Variants in DLG2 observed in about 807,000 individuals in gnomAD.
DLG2 encodes disks large homolog 2.
In DLG2, 45 loss-of-function variants were observed where a neutral mutation model predicts 132.5. That is an observed-to-expected ratio of 0.34 (90% confidence interval 0.27 to 0.44). DLG2 has a LOEUF of 0.44. Among genes scored for constraint, DLG2 ranks in the 20% least tolerant of loss-of-function variants. The pLI is 1.00. For synonymous variants in DLG2, 424 were observed against 419.6 expected (o/e 1.01, Z -0.13); for missense variants, 1,045 against 1,196.9 (o/e 0.87, Z 1.87).
intron 9 of DLG2, among the ~76,000 whole-genome samples, chr11:84,106,892 A>G (rs1401892099): frequency 1.4e-5 from 2 of 139,010 alleles, no homozygotes; most frequent in Non-Finnish European, 3.1e-5. Context: ...AGAGAGTTTT[A>G]GCTTTAGGGG....
chr11:84,576,654 T>A (rs758571121), intron 6 of DLG2, among the ~76,000 whole-genome samples: 1 of 152,158 alleles, frequency 6.6e-6, no homozygotes, highest in Non-Finnish European at 1.5e-5. Context: ...AGGCATAAAC[T>A]CTTTGGGATG....
intron 10 of DLG2, among the ~76,000 whole-genome samples, chr11:84,096,666 C>T (rs886528865): frequency 6.6e-6 from 1 of 152,206 alleles, no homozygotes; most frequent in Non-Finnish European, 1.5e-5. Context: ...TATCCTCTAA[C>T]AAATCTATTT....
intron 7 of DLG2, among the ~76,000 whole-genome samples, chr11:84,346,728 C>T (rs1195286156): frequency 1.3e-5 from 2 of 152,148 alleles, no homozygotes; most frequent in Non-Finnish European, 2.9e-5. Flanking sequence ...CAGGCACATG[C>T]CACCACACCC....
intron 6 of DLG2, among the ~76,000 whole-genome samples, chr11:84,884,874 G>C (rs1238462961): frequency 6.6e-6 from 1 of 152,062 alleles, no homozygotes; most frequent in Non-Finnish European, 1.5e-5. Flanking sequence ...GTAACATGCT[G>C]AAATCATGTG....
At chr11:85,456,896 G>A (rs1350403283) in intron 3 of DLG2, among the ~76,000 whole-genome samples, 5 of 152,084 alleles carry the variant, frequency 3.3e-5, no homozygotes, top group African/African-American at 1.2e-4. Context: ...GTGCCATGTG[G>A]TGATGAGAAG....
chr11:84,257,921 AAG>A (rs2097500828), intron 7 of DLG2, among the ~76,000 whole-genome samples: 7 of 152,084 alleles, frequency 4.6e-5, no homozygotes, highest in African/African-American at 9.7e-5. Context: ...TCCTAGACTC[AAG>A]TGATCCACCT....
chr11:85,191,162 GCACACACACACACACACA>G lies in DLG2; in HGVS notation c.187-36529_187-36512del, dbSNP rs3067460. ...TATGCATGCGCGCGCGCGCACGCGCGCACACACACACACACACACACACACACACACACACACACACAC... is the reference window on the plus strand; with the variant it reads ...TATGCATGCGCGCGCGCGCACGCGCGCACACACACACACACACACACACAC... On this transcript the variant is annotated intron_variant, in intron 4 of 27. Coordinates refer to ENST00000376104, the MANE Select transcript of DLG2 (RefSeq NM_001142699.3). 2.5e-3 allele frequency among the ~76,000 whole-genome samples: 345 copies of G among 139,924 alleles called. 3 individuals carry two copies. Among genetic ancestry groups the G allele is most frequent in the African/African-American group, 7.5e-3 (272 of 36,116 alleles). 91.8% of individuals were successfully genotyped at this position (139,924 alleles called of 152,430 possible). A position where few individuals can be genotyped will look rare whatever the true frequency, so the allele number is the denominator to read the frequency against.
intron 6 of DLG2, among the ~76,000 whole-genome samples, chr11:84,682,699 A>G (rs1414951598): frequency 6.6e-6 from 1 of 152,108 alleles, no homozygotes; most frequent in Non-Finnish European, 1.5e-5. Flanking sequence ...GGCCCCAAAG[A>G]CTCAGCCCCA....
intron 6 of DLG2, among the ~76,000 whole-genome samples, chr11:84,983,349 G>A (rs903670280): frequency 5.3e-5 from 8 of 152,110 alleles, no homozygotes; most frequent in African/African-American, 1.9e-4. Context: ...TCAGCCCAGA[G>A]CCTGGTAGAC....
chr11:84,146,423 C>T (rs79250932), intron 9 of DLG2, among the ~76,000 whole-genome samples: 2,951 of 152,182 alleles, frequency 0.019, 73 homozygotes, highest in African/African-American at 0.066. Flanking sequence ...ATATTACACA[C>T]TGCATGCCTG....
intron 6 of DLG2, among the ~76,000 whole-genome samples, chr11:84,704,990 C>G (rs1377801608): frequency 6.6e-6 from 1 of 151,014 alleles, no homozygotes; most frequent in Admixed American, 6.6e-5. Flanking sequence ...CATGTGCACA[C>G]TCATTTCTAG....
At chr11:84,347,301 G>A (rs555824603) in intron 7 of DLG2, among the ~76,000 whole-genome samples, 30 of 152,224 alleles carry the variant, frequency 2.0e-4, no homozygotes, top group Admixed American at 1.4e-3. Context: ...ATTGTATATC[G>A]AGATTTCTAT....
intron 3 of DLG2, among the ~76,000 whole-genome samples, chr11:85,573,882 T>A (rs1343432260): frequency 6.6e-6 from 1 of 152,168 alleles, no homozygotes; most frequent in African/African-American, 2.4e-5. Flanking sequence ...AATGCTTGAA[T>A]AACATGACCT....
intron 7 of DLG2, among the ~76,000 whole-genome samples, chr11:84,293,437 G>A (rs2098036963): frequency 6.6e-6 from 1 of 152,154 alleles, no homozygotes; most frequent in African/African-American, 2.4e-5. Context: ...ACTTTGGGAG[G>A]CCAAGGTGGA....
At chr11:84,332,354 G>T (rs1600074976) in intron 7 of DLG2, among the ~76,000 whole-genome samples, 1 of 151,860 alleles carries the variant, frequency 6.6e-6, no homozygotes, top group Non-Finnish European at 1.5e-5. Flanking sequence ...TGGGACTACA[G>T]GCGCCCGCCA....
chr11:84,365,590 T>A (rs2098677446), intron 7 of DLG2, among the ~76,000 whole-genome samples: 2 of 152,176 alleles, frequency 1.3e-5, no homozygotes, highest in African/African-American at 4.8e-5. Flanking sequence ...TCTAGTTCTT[T>A]TAATTGTGAT....
At chr11:83,700,014 A>G (rs2153639493) in intron 18 of DLG2, among the ~76,000 whole-genome samples, 1 of 151,720 alleles carries the variant, frequency 6.6e-6, no homozygotes, top group Admixed American at 6.6e-5. Context: ...GATACACAAA[A>G]ACCTAAAAAT....
At chr11:84,275,980 G>A (rs1365246101) in intron 7 of DLG2, among the ~76,000 whole-genome samples, 2 of 152,162 alleles carry the variant, frequency 1.3e-5, no homozygotes, top group Middle Eastern at 3.4e-3. Flanking sequence ...GGTGGGAAAG[G>A]CTTCATTGAT....
chr11:85,359,079 A>G (rs1326039862), intron 3 of DLG2, among the ~76,000 whole-genome samples: 1 of 152,200 alleles, frequency 6.6e-6, no homozygotes, highest in Non-Finnish European at 1.5e-5. Context: ...TAAAGCCTTG[A>G]TCTTCCCTAG....
Sources: gnomAD v4.1 joint callset for allele counts (sites outside exome capture counted in the v4.1 genomes callset) on GRCh38, gnomAD v4.1.1 for gene constraint, MANE v1.5 for transcripts, NCBI Gene and HGNC (gene_info 2026-07-23, HGNC 2026-07-21) for gene names.